The following SNX31 variants were observed in gnomAD, a reference collection of about 807,000 sequenced individuals.
SNX31 encodes sorting nexin 31.
In SNX31, 58 loss-of-function variants were observed where a neutral mutation model predicts 65.4. The observed-to-expected ratio is 0.89, with a 90% CI of 0.72 to 1.10. SNX31 has a LOEUF of 1.10. SNX31 is among the 50% of genes least tolerant of loss of function. The pLI, the probability that SNX31 is intolerant of heterozygous loss-of-function variation, is 0.00. For synonymous variants in SNX31, 181 were observed against 190.1 expected (o/e 0.95, Z 0.39); for missense variants, 523 against 529.7 (o/e 0.99, Z 0.12).
rs181308660 is a variant in SNX31, at chr8:100,591,005, A to G, written c.979-2026T>C. Among the ~76,000 whole-genome samples, 9 of 152,280 alleles carry G rather than the reference A, an allele frequency of 5.9e-5. No homozygotes were observed. In the East Asian group the frequency reaches 1.2e-3, roughly 20 times the overall value. ...AGGGGTCCTAATGAGTAGAGGAGAAAGGGCAAAAGTTTCAAGAAGTTGAGA... is the reference window on the plus strand; with the variant it reads ...AGGGGTCCTAATGAGTAGAGGAGAAGGGGCAAAAGTTTCAAGAAGTTGAGA... On this transcript the variant is annotated intron_variant, in intron 10 of 13. Coordinates refer to ENST00000311812, the MANE Select transcript of SNX31 (RefSeq NM_152628.4).
intron 4 of SNX31, among the ~76,000 whole-genome samples, chr8:100,628,806 T>G (rs771349097): frequency 1.4e-5 from 2 of 146,628 alleles, no homozygotes; most frequent in African/African-American, 5.1e-5. Context: ...GTTTGTAAAA[T>G]AAAATGGGTG....
At position 100,629,765 on chromosome 8, in the gene SNX31, C is replaced by T. The variant is rs575888968; in HGVS notation, c.321+562G>A. On this transcript the variant is annotated intron_variant, in intron 4 of 13. Coordinates refer to ENST00000311812, the MANE Select transcript of SNX31 (RefSeq NM_152628.4). This position sits in a 1 kb window ranked among gnomAD's most constrained non-coding sequence, Gnocchi z 5.1. ...AACAAACGTACTTAGCAGTTTCAGC[C>T]TAGGGAGCAAGTGACCCATGACTCT... Among the ~76,000 whole-genome samples, 1 of 152,330 alleles carries T rather than the reference C, an allele frequency of 6.6e-6. No individual in the cohort carries two copies. The highest frequency in any genetic ancestry group is 2.1e-4 in the South Asian group (1 of 4,822).
At chr8:100,627,942 C>G (rs1818156435) in intron 4 of SNX31, among the ~76,000 whole-genome samples, 1 of 152,180 alleles carries the variant, frequency 6.6e-6, no homozygotes, top group Non-Finnish European at 1.5e-5. Context: ...TATGAACAGA[C>G]ACTTCTCAAA....
At position 100,588,939 on chromosome 8, in the gene SNX31, T is replaced by C; in HGVS notation, c.1019A>G (p.Asn340Ser). The change falls in exon 11 of 14, where the codon AAC (asparagine) becomes AGC (serine). Residue 340 changes from asparagine to serine, a missense_variant. Physicochemically the swap from Asn to Ser is conservative, Grantham distance 46. Coordinates refer to ENST00000311812, the MANE Select transcript of SNX31 (RefSeq NM_152628.4). The surrounding 1 kb of genome is among the most constrained non-coding windows in gnomAD (Gnocchi z 4.8). ...LDTDGPQRTL[N>S]QNLELRFQYS... ...TTGAAATCTGAGCTCTAAGTTCTGG[T>C]TGAGAGTTCTCTGGGGCCCATCCGT... The C allele has an allele frequency of 6.2e-7, 1 of 1,614,062 alleles. No individual in the cohort carries two copies. Among genetic ancestry groups the C allele is most frequent in the Non-Finnish European group, 8.5e-7 (1 of 1,179,974 alleles).
chr8:100,607,208 G>A (rs956904112), intron 8 of SNX31, among the ~76,000 whole-genome samples: 3 of 152,224 alleles, frequency 2.0e-5, no homozygotes, highest in African/African-American at 7.2e-5. Context: ...AATAGACTGT[G>A]AGATGTTCTC....
At chr8:100,599,448 CTT>C (rs568047251) in intron 9 of SNX31, among the ~76,000 whole-genome samples, 21 of 141,522 alleles carry the variant, frequency 1.5e-4, no homozygotes, top group Non-Finnish European at 1.4e-4. Flanking sequence ...AAACTGAACT[CTT>C]TTTTTTTTTT....
chr8:100,642,025 G>C (rs1293708241), intron 2 of SNX31, among the ~76,000 whole-genome samples: 1 of 152,124 alleles, frequency 6.6e-6, no homozygotes, highest in African/African-American at 2.4e-5. Context: ...CTTGCAGTGA[G>C]CCGAGATCGC....
intron 2 of SNX31, among the ~76,000 whole-genome samples, chr8:100,647,957 C>T (rs1038275844): frequency 3.0e-4 from 45 of 152,246 alleles, no homozygotes; most frequent in Non-Finnish European, 5.9e-5. Flanking sequence ...ATTCTTCATT[C>T]AATCATTTGA....
chr8:100,597,453 G>C (rs1563530205), intron 9 of SNX31, among the ~76,000 whole-genome samples: 1 of 152,174 alleles, frequency 6.6e-6, no homozygotes, highest in Non-Finnish European at 1.5e-5. Context: ...TGTTGGCCAG[G>C]ATGGTCTTGA....
At position 100,648,358 on chromosome 8, in the gene SNX31, C is replaced by T. The variant is rs1447984929; in HGVS notation, c.141+916G>A. On this transcript the variant is annotated intron_variant, in intron 2 of 13. Coordinates refer to ENST00000311812, the MANE Select transcript of SNX31 (RefSeq NM_152628.4). This position sits in a 1 kb window ranked among gnomAD's most constrained non-coding sequence, Gnocchi z 4.3. Reference sequence around the variant, plus strand: ...TTTTTTTTTAATAGAGACAAGGTCTCGGCTATGTTGCCCAGGCTGGTCTCA... The same window carrying T: ...TTTTTTTTTAATAGAGACAAGGTCTTGGCTATGTTGCCCAGGCTGGTCTCA... Among the ~76,000 whole-genome samples the T allele has an allele frequency of 5.7e-5, 8 of 141,390 alleles. No individual in the cohort carries two copies. Among genetic ancestry groups the T allele is most frequent in the South Asian group, 2.2e-4 (1 of 4,574 alleles). The allele number at this position is 141,390 out of a possible 152,430, so 92.8% of individuals were successfully genotyped here. A position where few individuals can be genotyped will look rare whatever the true frequency, so the allele number is the denominator to read the frequency against.
chr8:100,619,680 C>G (rs1391223074), intron 4 of SNX31: 1 of 152,272 alleles, frequency 6.6e-6, no homozygotes, highest in African/African-American at 2.4e-5. Context: ...AAAGGCGATG[C>G]TGTCAGTCCA....
intron 2 of SNX31, among the ~76,000 whole-genome samples, chr8:100,641,566 ATATATATATAT>A (rs1180530506): frequency 0.032 from 606 of 19,012 alleles, 20 homozygotes; most frequent in Middle Eastern, 0.062. Flanking sequence ...AAAAAAAAAA[ATATATATATAT>A]ATATATATAT....
At chr8:100,656,235 T>C (rs1042237090) in intron 1 of SNX31, among the ~76,000 whole-genome samples, 1 of 152,198 alleles carries the variant, frequency 6.6e-6, no homozygotes, top group African/African-American at 2.4e-5. Context: ...GCATGCTTGG[T>C]CTCTCAAGTC....
chr8:100,613,122 G>T lies in SNX31; in HGVS notation c.433-37C>A. The stretch of plus-strand genomic sequence containing the variant: ...AACAAGCAGAAAGGGAAAAAGTTAG[G>T]TGTGCCCACCATGCATCCTAACTGT... On this transcript the variant is annotated intron_variant, in intron 5 of 13. Transcript: ENST00000311812. The surrounding 1 kb of genome is among the most constrained non-coding windows in gnomAD (Gnocchi z 5.2). 3.9e-6 allele frequency: 6 copies of T among 1,552,004 alleles called. No individual in the cohort carries two copies. The highest frequency in any genetic ancestry group is 5.3e-6 in the Non-Finnish European group (6 of 1,123,754).
At chr8:100,580,521 A>G (rs1255032065) in intron 12 of SNX31, among the ~76,000 whole-genome samples, 2 of 152,326 alleles carry the variant, frequency 1.3e-5, no homozygotes, top group East Asian at 1.9e-4. Context: ...CTCTTGGCCA[A>G]TTGTCGTAGG....
chr8:100,656,132 C>T (rs371236664), intron 1 of SNX31, among the ~76,000 whole-genome samples: 7 of 152,244 alleles, frequency 4.6e-5, no homozygotes, highest in South Asian at 4.2e-4. Flanking sequence ...GTTCACATTG[C>T]AGAGGCTAAT....
intron 2 of SNX31, among the ~76,000 whole-genome samples, chr8:100,640,945 T>C (rs1055934270): frequency 4.6e-5 from 7 of 152,280 alleles, no homozygotes; most frequent in Non-Finnish European, 8.8e-5. Flanking sequence ...TTATAGATTG[T>C]AGTTAATAAG....
Position 100,614,855 on chromosome 8 carries a change from G to A in SNX31, c.433-1770C>T, listed in dbSNP as rs1173471280. Among the ~76,000 whole-genome samples, 1 of 152,124 alleles carries A rather than the reference G, an allele frequency of 6.6e-6. No individual in the cohort carries two copies. Among genetic ancestry groups the A allele is most frequent in the African/African-American group, 2.4e-5 (1 of 41,404 alleles). ...GATTGTACCATTGCATTCCAGCCTAGGCAACAAGAGTGAAACTCCATTTCA... is the reference window on the plus strand; with the variant it reads ...GATTGTACCATTGCATTCCAGCCTAAGCAACAAGAGTGAAACTCCATTTCA... On this transcript the variant is annotated intron_variant, in intron 5 of 13. Transcript: ENST00000311812. The surrounding 1 kb of genome is among the most constrained non-coding windows in gnomAD (Gnocchi z 5.1).
chr8:100,580,934 G>A (rs1813439273), intron 12 of SNX31, among the ~76,000 whole-genome samples: 1 of 151,918 alleles, frequency 6.6e-6, no homozygotes, highest in Non-Finnish European at 1.5e-5. Context: ...ATTGATTCAG[G>A]CTTTTGTACA....
Sources: gnomAD v4.1 joint callset for allele counts (sites outside exome capture counted in the v4.1 genomes callset) on GRCh38, gnomAD v4.1.1 for gene constraint, Gnocchi (gnomAD v3.1) non-coding constraint, MANE v1.5 for transcripts, NCBI Gene and HGNC (gene_info 2026-07-23, HGNC 2026-07-21) for gene names.